CD300E: variants seen among roughly 807,000 people sequenced by gnomAD.
CD300E encodes CD300e molecule.
In CD300E, 14 loss-of-function variants were observed where a neutral mutation model predicts 20.9. That is an observed-to-expected ratio of 0.67 (90% CI 0.44 to 1.05). CD300E has a LOEUF of 1.05. Among genes scored for constraint, CD300E ranks in the 50% least tolerant of loss-of-function variants. The probability of loss-of-function intolerance (pLI) is 0.00; values close to 1 mark genes in which losing one functional copy is unlikely to be tolerated. For synonymous variants in CD300E, 102 were observed against 103.7 expected (o/e 0.98, Z 0.10); for missense variants, 237 against 253.9 (o/e 0.93, Z 0.45).
At position 74,610,511 on chromosome 17, in the gene CD300E, T is replaced by C. The variant is rs530072413; in HGVS notation, c.*2142A>G. On this transcript the variant is annotated 3_prime_UTR_variant, in exon 4 of 4. Transcript: ENST00000392619. The stretch of plus-strand genomic sequence containing the variant: ...CCTGCTCTTGACTTTCCTACTTCTG[T>C]CAATGATGCCCGATTCCTCTGGTTT... 1 of 152,354 alleles carries C rather than the reference T, an allele frequency of 6.6e-6. No homozygotes were observed. The highest frequency in any genetic ancestry group is 2.4e-5 in the African/African-American group (1 of 41,564). The allele number at this position is 152,354 out of a possible 1,614,324, so 9.4% of individuals were successfully genotyped here. A position where few individuals can be genotyped will look rare whatever the true frequency, so the allele number is the denominator to read the frequency against.
intron 1 of CD300E, among the ~76,000 whole-genome samples, chr17:74,618,382 A>G (rs1351276491): frequency 2.6e-5 from 4 of 152,202 alleles, no homozygotes; most frequent in Non-Finnish European, 4.4e-5. Context: ...AAAGAGAAAC[A>G]GTGATGAGGC....
intron 2 of CD300E, 53 bp downstream of exon 2, chr17:74,617,065 C>T: frequency 1.3e-6 from 2 of 1,499,542 alleles, no homozygotes; most frequent in Non-Finnish European, 1.9e-6. Context: ...CACCCTTGTT[C>T]CCTTGTCCAG....
At chr17:74,619,675 G>C (rs2030978917) in intron 1 of CD300E, among the ~76,000 whole-genome samples, 2 of 152,092 alleles carry the variant, frequency 1.3e-5, no homozygotes. Flanking sequence ...GAAACCATGG[G>C]ACCATTTTGT....
At chr17:74,620,194 G>A (rs540085644) in intron 1 of CD300E, among the ~76,000 whole-genome samples, 6 of 152,232 alleles carry the variant, frequency 3.9e-5, no homozygotes, top group Non-Finnish European at 7.4e-5. Flanking sequence ...AAAATTGGCC[G>A]GGTGTGGTGC....
chr17:74,617,703 A>C (rs904275286), intron 1 of CD300E, among the ~76,000 whole-genome samples: 23 of 152,196 alleles, frequency 1.5e-4, no homozygotes, highest in African/African-American at 5.5e-4. Flanking sequence ...CTGGAGACCA[A>C]AGCTGGAGGC....
intron 1 of CD300E, among the ~76,000 whole-genome samples, chr17:74,618,613 C>T (rs1375397981): frequency 1.3e-5 from 2 of 152,096 alleles, no homozygotes; most frequent in Non-Finnish European, 2.9e-5. Context: ...TCATTTCCCT[C>T]CCCTCCTCCC....
In CD300E at chr17:74,611,091, G is replaced by A. The variant is rs965207666; in HGVS notation, c.*1562C>T. The A allele has an allele frequency of 6.6e-6, 1 of 152,082 alleles. No individual in the cohort carries two copies. The highest frequency in any genetic ancestry group is 2.4e-5 in the African/African-American group (1 of 41,386). The allele number at this position is 152,082 out of a possible 1,614,324, so 9.4% of individuals were successfully genotyped here. On this transcript the variant is annotated 3_prime_UTR_variant, in exon 4 of 4. Coordinates refer to ENST00000392619, the MANE Select transcript of CD300E (RefSeq NM_181449.3). ...GTTCTTCCTATGCTGTAATGACTTG[G>A]GAGCTTATCCTTCTCATAAAATGAA...
In CD300E at chr17:74,623,691, A is replaced by G. The variant is rs1227245948; in HGVS notation, c.-70T>C. 1 of 1,511,838 alleles carries G rather than the reference A, an allele frequency of 6.6e-7. No individual in the cohort carries two copies. Among genetic ancestry groups the G allele is most frequent in the Non-Finnish European group, 9.2e-7 (1 of 1,086,702 alleles). 93.7% of individuals were successfully genotyped at this position (1,511,838 alleles called of 1,614,324 possible). A position where few individuals can be genotyped will look rare whatever the true frequency, so the allele number is the denominator to read the frequency against. ...GCTGGAATCCAAGTATATGTAACGG[A>G]GCCTGGGTCATCCACTTTCTACTTG... On this transcript the variant is annotated 5_prime_UTR_variant, in exon 1 of 4. Transcript: ENST00000392619.
intron 1 of CD300E, chr17:74,619,044 C>T: frequency 2.1e-6 from 1 of 469,532 alleles, no homozygotes; most frequent in Non-Finnish European, 4.4e-6. Flanking sequence ...CCCCCAAGAA[C>T]CTGTTGCCCC....
intron 1 of CD300E, among the ~76,000 whole-genome samples, chr17:74,621,992 T>C (rs560990371): frequency 9.9e-4 from 150 of 152,188 alleles, no homozygotes; most frequent in Non-Finnish European, 1.7e-3. Flanking sequence ...TTTGTAGAAA[T>C]GGGGTCTTGC....
rs150917118 is a variant in CD300E at position 74,617,387 on chromosome 17, C to T, written c.119G>A (p.Ser40Asn). 36 of 1,614,180 alleles carry T rather than the reference C, an allele frequency of 2.2e-5. No individual in the cohort carries two copies. The highest frequency in any genetic ancestry group is 2.4e-5 in the Non-Finnish European group (28 of 1,180,046). Residue 40 changes from serine (S) to asparagine (N), a missense_variant, in exon 2 of 4, where the codon AGC (serine) becomes AAC (asparagine). By Grantham distance (46) the Ser-to-Asn change is conservative. Transcript: ENST00000392619. ...GTACTTGTTATATCCCTTGTACATGCTCTCATACTGACACCACACTGTCAG... is the reference window on the plus strand; with the variant it reads ...GTACTTGTTATATCCCTTGTACATGTTCTCATACTGACACCACACTGTCAG... ...DSLTVWCQYE[S>N]MYKGYNKYWC... is the part of the protein sequence containing the mutation.
At chr17:74,621,050 AAAG>A (rs1038609842) in intron 1 of CD300E, among the ~76,000 whole-genome samples, 53 of 152,166 alleles carry the variant, frequency 3.5e-4, no homozygotes, top group African/African-American at 8.9e-4. Flanking sequence ...CTCGAAAAAA[AAAG>A]AAGAAGAAGA....
chr17:74,611,406 T>G lies in CD300E; in HGVS notation c.*1247A>C, dbSNP rs1290497208. ...CAGAGGGGGAGCACTGGTCCAGATG[T>G]AGGTAGCAAGTGGAGATGGTGATGC... is the stretch of plus-strand genomic sequence containing the variant. On this transcript the variant is annotated 3_prime_UTR_variant, in exon 4 of 4. Coordinates refer to ENST00000392619, the MANE Select transcript of CD300E (RefSeq NM_181449.3). The G allele has an allele frequency of 6.6e-6, 1 of 152,352 alleles. No homozygotes were observed. The highest frequency in any genetic ancestry group is 1.5e-5 in the Non-Finnish European group (1 of 68,128). The allele number at this position is 152,352 out of a possible 1,614,324, so 9.4% of individuals were successfully genotyped here. A position where few individuals can be genotyped will look rare whatever the true frequency, so the allele number is the denominator to read the frequency against.
intron 2 of CD300E, 68 bp from the exon 3 acceptor site, chr17:74,614,101 G>GGTGTT: frequency 8.3e-7 from 1 of 1,198,026 alleles, no homozygotes; most frequent in Non-Finnish European, 1.2e-6. Flanking sequence ...CACCCGTATG[G>GGTGTT]ATGTCATACA....
At chr17:74,619,844 C>T (rs1477545341) in intron 1 of CD300E, among the ~76,000 whole-genome samples, 1 of 152,140 alleles carries the variant, frequency 6.6e-6, no homozygotes, top group African/African-American at 2.4e-5. Context: ...AACATCAGTC[C>T]CTTTGAAGAG....
At chr17:74,616,190 A>T (rs1205217910) in intron 2 of CD300E, among the ~76,000 whole-genome samples, 1 of 152,138 alleles carries the variant, frequency 6.6e-6, no homozygotes, top group Non-Finnish European at 1.5e-5. Flanking sequence ...GCGGAAATGG[A>T]GGGATCAGAA....
chr17:74,617,653 A>G lies in CD300E; in HGVS notation c.41-188T>C, dbSNP rs529817075. On this transcript the variant is annotated intron_variant, in intron 1 of 3. Transcript: ENST00000392619. ...TGAGAGCAGAAACCTGTCCCCTGTG[A>G]GAGCAGGGACACCAAGTCACAGCAC... Among the ~76,000 whole-genome samples, 29 of 152,316 alleles carry G rather than the reference A, an allele frequency of 1.9e-4. 1 individual carries two copies. The highest frequency in any genetic ancestry group is 3.4e-3 in the Middle Eastern group (1 of 294).
At chr17:74,613,242 C>G (rs1353478604) in intron 3 of CD300E, among the ~76,000 whole-genome samples, 1 of 152,212 alleles carries the variant, frequency 6.6e-6, no homozygotes, top group Non-Finnish European at 1.5e-5. Flanking sequence ...GTAGCTGGGA[C>G]TACAGGCGCA....
rs575005828 is a variant in CD300E, at chr17:74,611,491, C to A, written c.*1162G>T. 4 of 152,380 alleles carry A rather than the reference C, an allele frequency of 2.6e-5. No individual in the cohort carries two copies. Among genetic ancestry groups the A allele is most frequent in the Non-Finnish European group, 4.4e-5 (3 of 68,062 alleles). The allele number at this position is 152,380 out of a possible 1,614,324, so 9.4% of individuals were successfully genotyped here. ...AACTTTAGGGAAACAGAGTAATTGA[C>A]AAACATTCAGAAAACCAACTGAGCT... On this transcript the variant is annotated 3_prime_UTR_variant, in exon 4 of 4. Coordinates refer to ENST00000392619, the MANE Select transcript of CD300E (RefSeq NM_181449.3).
Sources: allele counts gnomAD v4.1 joint callset (sites outside exome capture counted in the v4.1 genomes callset), GRCh38; gene constraint gnomAD v4.1.1; transcripts MANE v1.5; gene names NCBI Gene and HGNC (gene_info 2026-07-23, HGNC 2026-07-21).